The following NCK2 variants were observed in gnomAD, a reference collection of about 807,000 sequenced individuals.
NCK2 encodes the protein cytoplasmic protein NCK2.
NCK2 carries 16 observed loss-of-function variants against 33.9 expected under a neutral mutation model. The observed-to-expected ratio is 0.47, with a 90% confidence interval of 0.32 to 0.72. The LOEUF is 0.72. Among genes scored for constraint, NCK2 ranks in the 30% least tolerant of loss-of-function variants. The pLI is 0.03. For missense variants in NCK2, 418 were observed against 537.3 expected (o/e 0.78, Z 2.19); for synonymous variants, 273 against 239.9 (o/e 1.14, Z -1.27).
intron 2 of NCK2, among the ~76,000 whole-genome samples, chr2:105,840,763 T>TA (rs982233104): frequency 6.6e-6 from 1 of 152,088 alleles, no homozygotes; most frequent in African/African-American, 2.4e-5. Context: ...TAAGGGAAAA[T>TA]AAAAAATCTC....
At chr2:105,878,865 T>A (rs563240341) in intron 3 of NCK2, among the ~76,000 whole-genome samples, 22 of 152,202 alleles carry the variant, frequency 1.4e-4, no homozygotes, top group Non-Finnish European at 2.6e-4. Flanking sequence ...GATGGAGAAG[T>A]ATAAGCTCTA....
intron 2 of NCK2, among the ~76,000 whole-genome samples, chr2:105,827,443 C>T (rs367720669): frequency 6.6e-6 from 1 of 152,162 alleles, no homozygotes; most frequent in South Asian, 2.1e-4. Context: ...GATAGAACAA[C>T]CACACAGAAA....
At chr2:105,758,755 A>AC (rs1355547838) in intron 1 of NCK2, among the ~76,000 whole-genome samples, 1 of 152,116 alleles carries the variant, frequency 6.6e-6, no homozygotes, top group African/African-American at 2.4e-5. Flanking sequence ...TGACTTCTAC[A>AC]CAGTAGTCAA....
At chr2:105,839,835 G>T (rs752657608) in intron 2 of NCK2, among the ~76,000 whole-genome samples, 1 of 152,196 alleles carries the variant, frequency 6.6e-6, no homozygotes, top group Non-Finnish European at 1.5e-5. Flanking sequence ...TCCATCTTTA[G>T]TTCAGAAGCA....
At chr2:105,813,788 T>C (rs1419197720) in intron 1 of NCK2, among the ~76,000 whole-genome samples, 1 of 152,250 alleles carries the variant, frequency 6.6e-6, no homozygotes, top group East Asian at 1.9e-4. Flanking sequence ...AGAATTCAGA[T>C]AATCCCTTGG....
chr2:105,851,664 T>A (rs901052743), intron 2 of NCK2: 13 of 152,368 alleles, frequency 8.5e-5, no homozygotes, highest in African/African-American at 3.1e-4. Flanking sequence ...TGAGGCGTGA[T>A]TACGCCAATG....
In NCK2 at chr2:105,769,165, T is replaced by C. The variant is rs543656616; in HGVS notation, c.-201+24027T>C. 2.0e-5 allele frequency among the ~76,000 whole-genome samples: 3 copies of C among 152,200 alleles called. No individual in the cohort carries two copies. In the South Asian group the frequency reaches 6.2e-4, roughly 32 times the overall value. On this transcript the variant is annotated intron_variant, in intron 1 of 4. Transcript: ENST00000233154. Reference sequence around the variant, plus strand: ...GAATCACTAAGGGCACTCTTGTTGCTCAGTAAATACCAAGGGCTTTAGGAG... The same window carrying C: ...GAATCACTAAGGGCACTCTTGTTGCCCAGTAAATACCAAGGGCTTTAGGAG...
chr2:105,864,898 T>C (rs1445311204), intron 3 of NCK2, among the ~76,000 whole-genome samples: 8 of 151,762 alleles, frequency 5.3e-5, no homozygotes, highest in African/African-American at 1.9e-4. Context: ...TGGATGACTT[T>C]AGATGCAGTT....
chr2:105,856,877 TTAAC>T (rs1456886195), intron 3 of NCK2: 2 of 152,200 alleles, frequency 1.3e-5, no homozygotes, highest in African/African-American at 4.8e-5. Context: ...TAACTCTTAA[TTAAC>T]TGTGGTTACC....
intron 3 of NCK2, among the ~76,000 whole-genome samples, chr2:105,861,390 C>T (rs1190689861): frequency 6.6e-6 from 1 of 152,196 alleles, no homozygotes; most frequent in African/African-American, 2.4e-5. Context: ...CTGACCACCT[C>T]TCTATGGGGA....
At chr2:105,805,042 A>T (rs1349413507) in intron 1 of NCK2, among the ~76,000 whole-genome samples, 4 of 152,250 alleles carry the variant, frequency 2.6e-5, no homozygotes, top group Non-Finnish European at 5.9e-5. Flanking sequence ...GGGCCTCCCC[A>T]TATGGGTATC....
At chr2:105,795,633 A>T (rs1691053771) in intron 1 of NCK2, among the ~76,000 whole-genome samples, 1 of 152,202 alleles carries the variant, frequency 6.6e-6, no homozygotes. Context: ...TTCAGCAGGC[A>T]GTGTCTGCAG....
At chr2:105,799,850 A>G (rs73949307) in intron 1 of NCK2, among the ~76,000 whole-genome samples, 4,528 of 152,244 alleles carry the variant, frequency 0.03, 95 homozygotes, top group African/African-American at 0.043. Flanking sequence ...GTTCTTGGCT[A>G]TGGAGACAGG....
intron 1 of NCK2, among the ~76,000 whole-genome samples, chr2:105,812,922 A>G (rs959410059): frequency 1.3e-5 from 2 of 151,660 alleles, no homozygotes; most frequent in African/African-American, 4.8e-5. Flanking sequence ...GTAGCCTGAC[A>G]TGGTTCCTAG....
intron 2 of NCK2, among the ~76,000 whole-genome samples, chr2:105,836,290 T>G (rs1202220598): frequency 1.3e-5 from 2 of 152,040 alleles, no homozygotes; most frequent in Non-Finnish European, 2.9e-5. Context: ...TTTTTGTAGA[T>G]GTATGCTATA....
intron 4 of NCK2, among the ~76,000 whole-genome samples, chr2:105,889,276 G>A (rs1357778357): frequency 6.6e-6 from 1 of 152,250 alleles, no homozygotes; most frequent in Non-Finnish European, 1.5e-5. Context: ...AGCAGAGCCA[G>A]AGTCCTCAGG....
At chr2:105,768,969 C>T (rs1261873582) in intron 1 of NCK2, among the ~76,000 whole-genome samples, 1 of 152,196 alleles carries the variant, frequency 6.6e-6, no homozygotes, top group Non-Finnish European at 1.5e-5. Context: ...TGGCCCCCCA[C>T]CCCTCCCAGA....
At chr2:105,856,987 G>A (rs1053807584) in intron 3 of NCK2, 2 of 150,636 alleles carry the variant, frequency 1.3e-5, no homozygotes, top group South Asian at 4.2e-4. Context: ...CATCTTTTTA[G>A]TGATGCCAAA....
chr2:105,799,716 A>T (rs1674739406), intron 1 of NCK2, among the ~76,000 whole-genome samples: 1 of 152,214 alleles, frequency 6.6e-6, no homozygotes, highest in Non-Finnish European at 1.5e-5. Flanking sequence ...CCCAGAGGTC[A>T]CTGGGTTGTT....
Sources: gnomAD v4.1 joint callset for allele counts (sites outside exome capture counted in the v4.1 genomes callset) on GRCh38, gnomAD v4.1.1 for gene constraint, MANE v1.5 for transcripts, NCBI Gene and HGNC (gene_info 2026-07-23, HGNC 2026-07-21) for gene names.